Variants in SASH1 observed in about 807,000 individuals in gnomAD.
SASH1 encodes SAM and SH3 domain-containing protein 1.
In SASH1, 44 loss-of-function variants were observed where a neutral mutation model predicts 125.2. The ratio of observed to expected loss-of-function variants is 0.35; its 90% CI spans 0.28 to 0.45. The LOEUF is 0.45. Ranked by LOEUF, SASH1 falls within the 20% of genes least tolerant of loss-of-function variation. The pLI, the probability that SASH1 is intolerant of heterozygous loss-of-function variation, is 1.00. For missense variants in SASH1, 1,426 were observed against 1,614.5 expected (o/e 0.88, Z 2.00); for synonymous variants, 639 against 649.1 (o/e 0.98, Z 0.24).
the SASH1 span, among the ~76,000 whole-genome samples, chr6:148,251,339 T>C: frequency 6.6e-6 from 1 of 152,320 alleles, no homozygotes; most frequent in East Asian, 1.9e-4. Flanking sequence ...ATTTTTTTCA[T>C]TTAAAAAGTA....
At chr6:148,307,567 A>T (rs1373683624) in intron 1 of SASH1, among the ~76,000 whole-genome samples, 1 of 152,156 alleles carries the variant, frequency 6.6e-6, no homozygotes, top group Non-Finnish European at 1.5e-5. Context: ...CAAGGCTCCA[A>T]GCATCTGATT....
At chr6:148,524,121 A>ATATATATTT (rs1193506716) in intron 10 of SASH1, among the ~76,000 whole-genome samples, 21 of 128,606 alleles carry the variant, frequency 1.6e-4, no homozygotes, top group Non-Finnish European at 2.8e-4. Context: ...ATATATATAT[A>ATATATATTT]TTTTTTTTAA....
chr6:148,330,323 G>T (rs950555309), intron 1 of SASH1, among the ~76,000 whole-genome samples: 1 of 152,132 alleles, frequency 6.6e-6, no homozygotes, highest in African/African-American at 2.4e-5. Flanking sequence ...CACATAACAC[G>T]ATGGCACCTC....
chr6:148,442,644 A>G (rs893735544), intron 4 of SASH1, among the ~76,000 whole-genome samples: 4 of 152,162 alleles, frequency 2.6e-5, no homozygotes, highest in Non-Finnish European at 5.9e-5. Flanking sequence ...GCTTAAGCAA[A>G]TATTTCCTAA....
At chr6:148,450,822 A>T (rs1441121264) in intron 4 of SASH1, among the ~76,000 whole-genome samples, 1 of 152,044 alleles carries the variant, frequency 6.6e-6, no homozygotes, top group Non-Finnish European at 1.5e-5. Flanking sequence ...TGGAATTAAG[A>T]TGCCCTACCT....
At chr6:148,485,395 A>G (rs1240640394) in intron 7 of SASH1, among the ~76,000 whole-genome samples, 1 of 152,196 alleles carries the variant, frequency 6.6e-6, no homozygotes, top group Non-Finnish European at 1.5e-5. Flanking sequence ...CTAATACCCA[A>G]AAGTTTAAAC....
chr6:148,487,021 A>G (rs1438363963), intron 7 of SASH1, among the ~76,000 whole-genome samples: 1 of 112,252 alleles, frequency 8.9e-6, no homozygotes, highest in Non-Finnish European at 1.9e-5. Context: ...ATGTTTTTAT[A>G]TATATATTTG....
chr6:148,381,590 G>A (rs1007619159), intron 1 of SASH1, among the ~76,000 whole-genome samples: 2 of 145,592 alleles, frequency 1.4e-5, no homozygotes, highest in African/African-American at 5.1e-5. Context: ...CCTAGGAAGC[G>A]AACTCCATCA....
chr6:148,217,905 C>T, the SASH1 span, among the ~76,000 whole-genome samples: 2 of 150,494 alleles, frequency 1.3e-5, no homozygotes, highest in Non-Finnish European at 3.0e-5. Flanking sequence ...GTCCCAGCTA[C>T]TGGAGAGGCT....
At chr6:148,446,251 G>A (rs1776781823) in intron 4 of SASH1, among the ~76,000 whole-genome samples, 1 of 151,826 alleles carries the variant, frequency 6.6e-6, no homozygotes, top group Non-Finnish European at 1.5e-5. Flanking sequence ...TGGGACTACA[G>A]GTGCCCGCCA....
chr6:148,280,785 G>A (rs1159564266), intron 1 of SASH1, among the ~76,000 whole-genome samples: 3 of 152,142 alleles, frequency 2.0e-5, no homozygotes, highest in Admixed American at 2.0e-4. Context: ...TCCAGCCTAG[G>A]TGACAGCGTA....
the SASH1 span, among the ~76,000 whole-genome samples, chr6:148,249,078 G>T: frequency 6.6e-6 from 1 of 152,166 alleles, no homozygotes; most frequent in African/African-American, 2.4e-5. Context: ...ATGAATGAAT[G>T]AATGAATGAA....
rs562107517 is a variant in SASH1, at chr6:148,328,233, A to G, written n.74+55856A>G. 4.6e-5 allele frequency among the ~76,000 whole-genome samples: 7 copies of G among 152,256 alleles called. No homozygotes were observed. In the South Asian group the frequency reaches 1.5e-3, roughly 32 times the overall value. On this transcript the variant is annotated intron_variant and non_coding_transcript_variant, in intron 1 of 3. Coordinates refer to the SASH1 transcript ENST00000367469. ...TGGTACTTTTAAACAGCTTTTAAAA[A>G]TTACTTTCTTATGTAGGTTAAAGAC...
At chr6:148,379,998 A>G (rs1783070832) in intron 1 of SASH1, 2 of 455,678 alleles carry the variant, frequency 4.4e-6, no homozygotes, top group Non-Finnish European at 8.8e-6. Context: ...CACAAAGAGT[A>G]TTTTTCAGTT....
At chr6:148,377,201 A>C (rs111717665) in intron 1 of SASH1, among the ~76,000 whole-genome samples, 23,832 of 82,890 alleles carry the variant, frequency 0.29, 2,598 homozygotes, top group Non-Finnish European at 0.37. Context: ...AAAACAAAAA[A>C]AAAACAAAAC....
chr6:148,539,110 C>G (rs73017016), intron 16 of SASH1, among the ~76,000 whole-genome samples: 492 of 151,720 alleles, frequency 3.2e-3, no homozygotes, highest in Non-Finnish European at 4.3e-3. Flanking sequence ...TTTTTTTCCC[C>G]TCCAGCTTTG....
chr6:148,526,710 T>A (rs1431989136), intron 11 of SASH1, among the ~76,000 whole-genome samples: 2 of 152,146 alleles, frequency 1.3e-5, no homozygotes, highest in African/African-American at 4.8e-5. Context: ...ATTTACACAC[T>A]GAGTGCTATG....
At chr6:148,485,068 G>GA (rs71652057) in intron 7 of SASH1, among the ~76,000 whole-genome samples, 44,329 of 151,254 alleles carry the variant, frequency 0.29, 6,901 homozygotes, top group Middle Eastern at 0.39. Flanking sequence ...CATACAGCAG[G>GA]AAAAAAAAAT....
chr6:148,325,148 T>C (rs1417437659), intron 1 of SASH1, among the ~76,000 whole-genome samples: 1 of 152,146 alleles, frequency 6.6e-6, no homozygotes, highest in African/African-American at 2.4e-5. Context: ...CAGTTCTGCA[T>C]GGCTGGGGAG....
Sources: allele counts gnomAD v4.1 joint callset (sites outside exome capture counted in the v4.1 genomes callset), GRCh38; gene constraint gnomAD v4.1.1; transcripts MANE v1.5; gene names NCBI Gene and HGNC (gene_info 2026-07-23, HGNC 2026-07-21).